Variants in SLC4A7 observed in about 807,000 individuals in gnomAD.
The protein encoded by SLC4A7 is sodium bicarbonate cotransporter 3.
A neutral mutation model predicts 137.6 loss-of-function variants in SLC4A7; 51 were observed. The observed-to-expected ratio is 0.37, with a 90% CI of 0.30 to 0.47. SLC4A7 has a LOEUF of 0.47. Ranked by LOEUF, SLC4A7 falls within the 20% of genes least tolerant of loss-of-function variation. SLC4A7 has a pLI of 1.00. For missense variants in SLC4A7, 1,247 were observed against 1,525.4 expected, an observed-to-expected ratio of 0.82 and a Z score of 3.04; for synonymous variants, 542 against 518.6, an observed-to-expected ratio of 1.05 and a Z score of -0.61.
At chr3:27,414,016 ACACTTGTAATCCCAG>A (rs1346059495) in intron 11 of SLC4A7, among the ~76,000 whole-genome samples, 1 of 152,242 alleles carries the variant, frequency 6.6e-6, no homozygotes, top group Non-Finnish European at 1.5e-5. Context: ...GTGGTGGCTC[ACACTTGTAATCCCAG>A]CACTTTGGGA....
In SLC4A7 at chr3:27,376,779, A is replaced by G. The variant is rs772389701; in HGVS notation, c.3765T>C (p.Ala1255=). 128 of 1,595,422 alleles carry G rather than the reference A, an allele frequency of 8.0e-5. 1 individual carries two copies. The highest frequency in any genetic ancestry group is 1.1e-4 in the Non-Finnish European group (124 of 1,167,480). ...TGGTTCAATTCTATAATGAAGTTTC[A>G]GCATCCACGTATTTCTTTCTTGGTT... ...EDEPRKKYVD[A]ETSL Residue 1255 remains alanine, a synonymous_variant, in exon 26 of 26, where the codon GCT becomes GCC. Coordinates refer to ENST00000454389, the MANE Select transcript of SLC4A7 (RefSeq NM_001321103.2).
intron 3 of SLC4A7, among the ~76,000 whole-genome samples, chr3:27,439,040 T>C (rs2056984451): frequency 1.3e-5 from 2 of 152,154 alleles, no homozygotes; most frequent in Admixed American, 6.5e-5. Context: ...TATAAACAAA[T>C]ACACCACCAC....
rs575351658 is a variant in SLC4A7, at chr3:27,374,659, G to A, written c.*2105C>T. On this transcript the variant is annotated 3_prime_UTR_variant, in exon 26 of 26. Coordinates refer to ENST00000454389, the MANE Select transcript of SLC4A7 (RefSeq NM_001321103.2). ...GAGTGCAAAGTATTTTGCAAGTGACGGTTTTTCTGGCACTGGATAATTACT... is the reference window on the plus strand; with the variant it reads ...GAGTGCAAAGTATTTTGCAAGTGACAGTTTTTCTGGCACTGGATAATTACT... The A allele has an allele frequency of 6.6e-6, 1 of 152,506 alleles. No homozygotes were observed. Among genetic ancestry groups the A allele is most frequent in the East Asian group, 1.9e-4 (1 of 5,176 alleles). The allele number at this position is 152,506 out of a possible 1,614,324, so 9.4% of individuals were successfully genotyped here. A position where few individuals can be genotyped will look rare whatever the true frequency, so the allele number is the denominator to read the frequency against.
intron 22 of SLC4A7, among the ~76,000 whole-genome samples, chr3:27,389,222 TTC>T (rs940179496): frequency 2.0e-5 from 3 of 152,178 alleles, no homozygotes; most frequent in South Asian, 2.1e-4. Context: ...TGTTATAATT[TTC>T]TCTCTTTCAA....
rs547752433 is a variant in SLC4A7 at position 27,429,143 on chromosome 3, G to A, written c.1150+2155C>T. On this transcript the variant is annotated intron_variant, in intron 7 of 25. Coordinates refer to ENST00000454389, the MANE Select transcript of SLC4A7 (RefSeq NM_001321103.2). The stretch of plus-strand genomic sequence containing the variant: ...TAGCCAGGCGTGGTGGTGCATGCCT[G>A]TAGTCCCAGCTACTTGGCAGGCTGA... Among the ~76,000 whole-genome samples, 4 of 152,050 alleles carry A rather than the reference G, an allele frequency of 2.6e-5. No homozygotes were observed. In the East Asian group the frequency reaches 7.8e-4, roughly 30 times the overall value.
chr3:27,404,936 A>G lies in SLC4A7; in HGVS notation c.1969T>C (p.Ser657Pro), dbSNP rs1333380707. ...AATGAATAGGCAATCCCAGTTAATG[A>G]TGCTCCAAAAAGAGACTCTATTGCA... Reference protein sequence around the residue: ...ISAIESLFGASLTGIAYSLFA... With the variant: ...ISAIESLFGAPLTGIAYSLFA... The change falls in exon 14 of 26, where the codon TCA (serine) becomes CCA (proline). Residue 657 changes from serine to proline, a missense_variant. By Grantham distance (74) the Ser-to-Pro change is moderately conservative (BLOSUM62 -1). This residue lies in a region of SLC4A7 where 499 missense variants were observed against 664.2 expected (regional missense o/e 0.75). Transcript: ENST00000454389. 3 of 1,607,234 alleles carry G rather than the reference A, an allele frequency of 1.9e-6. No individual in the cohort carries two copies. The highest frequency in any genetic ancestry group is 2.5e-6 in the Non-Finnish European group (3 of 1,178,098).
At chr3:27,466,818 C>G (rs2059026553) in intron 1 of SLC4A7, among the ~76,000 whole-genome samples, 1 of 152,102 alleles carries the variant, frequency 6.6e-6, no homozygotes, top group South Asian at 2.1e-4. Flanking sequence ...GATTGCGCCA[C>G]TGCACTCCAG....
At chr3:27,446,875 GTTT>G (rs59612875) in intron 3 of SLC4A7, among the ~76,000 whole-genome samples, 1 of 91,186 alleles carries the variant, frequency 1.1e-5, no homozygotes, top group East Asian at 2.3e-4. Context: ...GTTTTTTTTT[GTTT>G]TTTTTTGTTT....
intron 7 of SLC4A7, among the ~76,000 whole-genome samples, chr3:27,425,365 CG>C (rs2055457585): frequency 1.6e-5 from 1 of 60,720 alleles, no homozygotes; most frequent in Admixed American, 1.9e-4. Flanking sequence ...AGAGAAACTC[CG>C]TCCTAAAAAA....
rs1272625010 is a variant in SLC4A7, at chr3:27,372,776, T to C, written c.*3988A>G. On this transcript the variant is annotated 3_prime_UTR_variant, in exon 26 of 26. Coordinates refer to ENST00000454389, the MANE Select transcript of SLC4A7 (RefSeq NM_001321103.2). ...AACTTCAGTAACATCTCCAAAAAAATAGTTTTCATCTAACAATTATGAAAC... is the reference window on the plus strand; with the variant it reads ...AACTTCAGTAACATCTCCAAAAAAACAGTTTTCATCTAACAATTATGAAAC... 1.3e-5 allele frequency: 2 copies of C among 152,610 alleles called. No homozygotes were observed. The highest frequency in any genetic ancestry group is 2.9e-5 in the Non-Finnish European group (2 of 68,026). The allele number at this position is 152,610 out of a possible 1,614,324, so 9.5% of individuals were successfully genotyped here.
At chr3:27,465,973 AAG>A (rs1270636938) in intron 1 of SLC4A7, among the ~76,000 whole-genome samples, 1 of 150,972 alleles carries the variant, frequency 6.6e-6, no homozygotes, top group Non-Finnish European at 1.5e-5. Flanking sequence ...AAAAGAAAGA[AAG>A]AAAGAAAGAA....
intron 23 of SLC4A7, 81 bp from the exon 24 acceptor site, chr3:27,383,331 CT>C: frequency 1.0e-6 from 1 of 970,920 alleles, no homozygotes; most frequent in Non-Finnish European, 1.6e-6. Context: ...ATTTTACAGA[CT>C]TAGAAACCCA....
At chr3:27,406,553 G>A (rs1218868151) in intron 13 of SLC4A7, among the ~76,000 whole-genome samples, 1 of 152,124 alleles carries the variant, frequency 6.6e-6, no homozygotes, top group African/African-American at 2.4e-5. Flanking sequence ...GTTCTTAAAA[G>A]ACACTGCTAA....
chr3:27,475,394 G>C (rs2059423031), intron 1 of SLC4A7, among the ~76,000 whole-genome samples: 1 of 151,140 alleles, frequency 6.6e-6, no homozygotes, highest in Non-Finnish European at 1.5e-5. Context: ...AGAAAAATGA[G>C]ATTCAAAGCT....
intron 16 of SLC4A7, among the ~76,000 whole-genome samples, chr3:27,399,802 A>G (rs192405070): frequency 5.3e-4 from 80 of 152,342 alleles, no homozygotes; most frequent in Admixed American, 1.6e-3. Context: ...CATCACAGAA[A>G]TAATGGAAAT....
intron 8 of SLC4A7, chr3:27,422,687 C>T (rs749767906): frequency 4.7e-6 from 2 of 423,824 alleles, no homozygotes; most frequent in Non-Finnish European, 9.6e-6. Flanking sequence ...ACACATGATA[C>T]CAAATTATGT....
At position 27,439,603 on chromosome 3, in the gene SLC4A7, C is replaced by G. The variant is rs553817553; in HGVS notation, c.290-2077G>C. On this transcript the variant is annotated intron_variant, in intron 3 of 25. Coordinates refer to ENST00000454389, the MANE Select transcript of SLC4A7 (RefSeq NM_001321103.2). Reference sequence around the variant, plus strand: ...TTTATATCCTGGGACCTGCTAAACTCACTTAGTTCTCTTAAGTATTGTAGA... The same window carrying G: ...TTTATATCCTGGGACCTGCTAAACTGACTTAGTTCTCTTAAGTATTGTAGA... Among the ~76,000 whole-genome samples the G allele has an allele frequency of 2.6e-5, 4 of 152,290 alleles. No individual in the cohort carries two copies. In the South Asian group the frequency reaches 8.3e-4, roughly 32 times the overall value.
chr3:27,446,290 T>C (rs7620795), intron 3 of SLC4A7, among the ~76,000 whole-genome samples: 2 of 152,144 alleles, frequency 1.3e-5, no homozygotes, highest in East Asian at 1.9e-4. Flanking sequence ...CGTTATTCCA[T>C]CCTGTTTAGA....
Position 27,430,301 on chromosome 3 carries a change from G to GCACA in SLC4A7, c.1150+993_1150+996dup, listed in dbSNP as rs35445003. On this transcript the variant is annotated intron_variant, in intron 7 of 25. Coordinates refer to ENST00000454389, the MANE Select transcript of SLC4A7 (RefSeq NM_001321103.2). ...CATTCACCTTATGAGTGAACTGCAT[G>GCACA]CACACACACACACACACACAAAACC... Among the ~76,000 whole-genome samples, 51 of 149,202 alleles carry GCACA rather than the reference G, an allele frequency of 3.4e-4. 1 individual carries two copies. Among genetic ancestry groups the GCACA allele is most frequent in the South Asian group, 6.4e-4 (3 of 4,694 alleles).
Sources: gnomAD v4.1 joint callset for allele counts (sites outside exome capture counted in the v4.1 genomes callset) on GRCh38, gnomAD v4.1.1 for gene constraint, gnomAD v4.1.1 regional missense constraint, MANE v1.5 for transcripts, NCBI Gene and HGNC (gene_info 2026-07-23, HGNC 2026-07-21) for gene names.